GPC6: variants seen among roughly 807,000 people sequenced by gnomAD.
The protein encoded by GPC6 is glypican-6.
GPC6 carries 14 observed loss-of-function variants against 55.2 expected under a neutral mutation model. The observed-to-expected ratio is 0.25, with a 90% CI of 0.17 to 0.40. GPC6 has a LOEUF of 0.40. GPC6 is among the 10% of genes least tolerant of loss of function. GPC6 has a pLI of 1.00. For synonymous variants in GPC6, 278 were observed against 259.6 expected, an observed-to-expected ratio of 1.07 and a Z score of -0.68; for missense variants, 641 against 708.5, an observed-to-expected ratio of 0.90 and a Z score of 1.08.
At chr13:93,425,686 C>G (rs1286204110) in intron 1 of GPC6, among the ~76,000 whole-genome samples, 1 of 152,152 alleles carries the variant, frequency 6.6e-6, no homozygotes, top group Admixed American at 6.6e-5. Flanking sequence ...GGCTTCCTTT[C>G]TAGTGACTGA....
chr13:93,311,118 T>C (rs745961507), intron 1 of GPC6, among the ~76,000 whole-genome samples: 2 of 152,162 alleles, frequency 1.3e-5, no homozygotes, highest in African/African-American at 2.4e-5. Flanking sequence ...CCCTAAAGTC[T>C]AGACCTCCGG....
chr13:93,890,873 G>T, intron 3 of GPC6, among the ~76,000 whole-genome samples: 1 of 151,526 alleles, frequency 6.6e-6, no homozygotes. Flanking sequence ...ATTTGCCATA[G>T]TTTATTATAT....
At position 93,830,557 on chromosome 13, in the gene GPC6, C is replaced by T. The variant is rs551658407; in HGVS notation, c.711+12C>T. 17 of 1,557,602 alleles carry T rather than the reference C, an allele frequency of 1.1e-5. No individual in the cohort carries two copies. The highest frequency in any genetic ancestry group is 1.8e-4 in the Middle Eastern group (1 of 5,714). On this transcript the variant is annotated intron_variant, in intron 3 of 8. Coordinates refer to ENST00000377047, the MANE Select transcript of GPC6 (RefSeq NM_005708.5). ...ACCGAGTTTCCAAGGTAATTGAAAA[C>T]GTGCTTTCTTTCTCATTGGTGTTCC...
intron 1 of GPC6, among the ~76,000 whole-genome samples, chr13:93,337,588 A>G (rs182270425): frequency 3.0e-4 from 46 of 152,312 alleles, no homozygotes; most frequent in African/African-American, 1.1e-3. Context: ...GAGGCTCTAT[A>G]AGAATGCAGA....
chr13:94,388,726 C>T (rs1880520992), intron 7 of GPC6, among the ~76,000 whole-genome samples: 1 of 152,212 alleles, frequency 6.6e-6, no homozygotes, highest in Non-Finnish European at 1.5e-5. Context: ...ACAATGGCCT[C>T]CTTACTGTAG....
chr13:93,283,956 C>A (rs973033699), intron 1 of GPC6, among the ~76,000 whole-genome samples: 1 of 152,116 alleles, frequency 6.6e-6, no homozygotes, highest in African/African-American at 2.4e-5. Flanking sequence ...GGAAAACTCA[C>A]AAAGTGGATA....
At chr13:93,371,096 T>C (rs1393682130) in intron 1 of GPC6, among the ~76,000 whole-genome samples, 1 of 152,162 alleles carries the variant, frequency 6.6e-6, no homozygotes, top group Non-Finnish European at 1.5e-5. Flanking sequence ...GTGACAGATG[T>C]TGTATTCTGA....
intron 2 of GPC6, among the ~76,000 whole-genome samples, chr13:93,581,766 A>G (rs188672694): frequency 6.6e-5 from 10 of 152,286 alleles, no homozygotes; most frequent in Admixed American, 2.0e-4. Context: ...TATTAAATCT[A>G]TCTGTTGTGG....
chr13:93,243,870 A>G (rs1364283382), intron 1 of GPC6, among the ~76,000 whole-genome samples: 1 of 152,074 alleles, frequency 6.6e-6, no homozygotes, highest in Non-Finnish European at 1.5e-5. Context: ...TAGCGCTTGT[A>G]GGAGAGAACC....
chr13:93,748,831 C>T (rs9561436), intron 2 of GPC6, among the ~76,000 whole-genome samples: 7,584 of 152,024 alleles, frequency 0.05, 385 homozygotes, highest in East Asian at 0.28. Flanking sequence ...ACGAACAATA[C>T]CTCAGTTTTG....
chr13:94,234,306 A>G (rs1009951500), intron 4 of GPC6, among the ~76,000 whole-genome samples: 8 of 150,158 alleles, frequency 5.3e-5, no homozygotes, highest in African/African-American at 2.0e-4. Context: ...GTTTACAGGT[A>G]TAACTAAATT....
intron 2 of GPC6, among the ~76,000 whole-genome samples, chr13:93,750,341 CT>C (rs1884534591): frequency 6.6e-6 from 1 of 152,156 alleles, no homozygotes; most frequent in East Asian, 1.9e-4. Context: ...GGTAGTTAAC[CT>C]TTTTTCCCTT....
intron 6 of GPC6, among the ~76,000 whole-genome samples, chr13:94,329,741 T>C (rs114632479): frequency 6.6e-6 from 1 of 152,286 alleles, no homozygotes; most frequent in African/African-American, 2.4e-5. Context: ...AATATTGCTT[T>C]ACTTCTCCTC....
At chr13:93,399,559 T>C (rs1875993053) in intron 1 of GPC6, among the ~76,000 whole-genome samples, 1 of 152,222 alleles carries the variant, frequency 6.6e-6, no homozygotes, top group South Asian at 2.1e-4. Flanking sequence ...GATGCTGAAG[T>C]GGACAGAAAG....
intron 2 of GPC6, among the ~76,000 whole-genome samples, chr13:93,817,817 C>T (rs894440606): frequency 4.0e-5 from 6 of 151,518 alleles, no homozygotes; most frequent in Non-Finnish European, 5.9e-5. Flanking sequence ...GAGATGGTGC[C>T]GCTGCACTTC....
chr13:94,088,451 G>A (rs1885363177), intron 4 of GPC6, among the ~76,000 whole-genome samples: 1 of 151,812 alleles, frequency 6.6e-6, no homozygotes, highest in South Asian at 2.1e-4. Flanking sequence ...CATTTTGGGA[G>A]GCCAAGGCAG....
intron 2 of GPC6, among the ~76,000 whole-genome samples, chr13:93,599,609 G>T (rs552569152): frequency 2.6e-5 from 4 of 152,154 alleles, no homozygotes; most frequent in Non-Finnish European, 5.9e-5. Flanking sequence ...GGTCACAGAT[G>T]GCCTTAGGAG....
chr13:94,263,726 CT>C (rs1461736441), intron 4 of GPC6, among the ~76,000 whole-genome samples: 1 of 152,168 alleles, frequency 6.6e-6, no homozygotes, highest in Non-Finnish European at 1.5e-5. Context: ...CTACTTTTCC[CT>C]TTTTCCTTTA....
intron 4 of GPC6, among the ~76,000 whole-genome samples, chr13:94,095,013 A>G (rs1395639459): frequency 6.6e-6 from 1 of 152,124 alleles, no homozygotes; most frequent in Non-Finnish European, 1.5e-5. Flanking sequence ...CTGTCTGGCA[A>G]TCATATTATC....
Sources: allele counts gnomAD v4.1 joint callset (sites outside exome capture counted in the v4.1 genomes callset), GRCh38; gene constraint gnomAD v4.1.1; transcripts MANE v1.5; gene names NCBI Gene and HGNC (gene_info 2026-07-23, HGNC 2026-07-21).